Variants in OLFM3 observed in about 807,000 individuals in gnomAD.
The protein encoded by OLFM3 is noelin-3.
Under a neutral mutation model 48.6 loss-of-function variants are expected in OLFM3, and 20 were observed. The ratio of observed to expected loss-of-function variants is 0.41; its 90% CI spans 0.29 to 0.60. The LOEUF (loss-of-function observed/expected upper bound fraction) is 0.60. Ranked by LOEUF, OLFM3 falls within the 20% of genes least tolerant of loss-of-function variation. The probability of loss-of-function intolerance (pLI) is 0.28; values close to 1 mark genes in which losing one functional copy is unlikely to be tolerated. For missense variants in OLFM3, 437 were observed against 544.3 expected (o/e 0.80, Z 1.96); for synonymous variants, 222 against 198.1 (o/e 1.12, Z -1.01).
chr1:101,844,224 T>C (rs1271039032), intron 1 of OLFM3, among the ~76,000 whole-genome samples: 1 of 152,180 alleles, frequency 6.6e-6, no homozygotes, highest in East Asian at 1.9e-4. Context: ...TTTTCTTCTT[T>C]ATAAATGCAA....
Position 101,877,233 on chromosome 1 carries a change from C to G in OLFM3, c.70-40208G>C, listed in dbSNP as rs576931182. On this transcript the variant is annotated intron_variant, in intron 1 of 5. Coordinates refer to ENST00000370103, the MANE Select transcript of OLFM3 (RefSeq NM_058170.4). ...TCGCAAGTTGAAACTTTTAACCCAG[C>G]TGTTCATTTATGATAAAGCTTTAAG... Among the ~76,000 whole-genome samples the G allele has an allele frequency of 1.1e-4, 17 of 152,030 alleles. No homozygotes were observed. In the East Asian group the frequency reaches 2.7e-3, roughly 24 times the overall value.
chr1:101,958,775 GTTTA>G (rs1660376907), intron 1 of OLFM3, among the ~76,000 whole-genome samples: 1 of 150,348 alleles, frequency 6.7e-6, no homozygotes, highest in South Asian at 2.1e-4. Context: ...ATTTTTAAAA[GTTTA>G]TTTATTTTCA....
At chr1:101,886,569 C>G (rs934599263) in intron 1 of OLFM3, among the ~76,000 whole-genome samples, 23 of 152,066 alleles carry the variant, frequency 1.5e-4, no homozygotes, top group African/African-American at 5.6e-4. Flanking sequence ...GGGGAACCAG[C>G]CCCTGGCTAC....
intron 1 of OLFM3, among the ~76,000 whole-genome samples, chr1:101,953,129 A>G (rs1187951859): frequency 6.6e-6 from 1 of 152,150 alleles, no homozygotes; most frequent in Non-Finnish European, 1.5e-5. Flanking sequence ...AGCATGTCGG[A>G]CATACTGGGT....
At chr1:101,972,534 A>G (rs1660833668) in intron 1 of OLFM3, among the ~76,000 whole-genome samples, 1 of 152,204 alleles carries the variant, frequency 6.6e-6, no homozygotes, top group Non-Finnish European at 1.5e-5. Flanking sequence ...TTTAAAAATG[A>G]TTATATCTAA....
intron 1 of OLFM3, among the ~76,000 whole-genome samples, chr1:101,855,667 A>G (rs1656384759): frequency 6.6e-6 from 1 of 152,094 alleles, no homozygotes; most frequent in Non-Finnish European, 1.5e-5. Flanking sequence ...CCAGGGAGGC[A>G]TTGACACTCA....
intron 1 of OLFM3, among the ~76,000 whole-genome samples, chr1:101,918,413 C>T (rs1302839105): frequency 6.6e-6 from 1 of 152,118 alleles, no homozygotes; most frequent in East Asian, 1.9e-4. Context: ...TCTGGAAGCT[C>T]CAGGAAAGAA....
chr1:101,960,882 T>C (rs552150847), intron 1 of OLFM3, among the ~76,000 whole-genome samples: 1 of 152,262 alleles, frequency 6.6e-6, no homozygotes, highest in African/African-American at 2.4e-5. Context: ...TTCACTGACT[T>C]CTAAGATGGT....
intron 1 of OLFM3, among the ~76,000 whole-genome samples, chr1:101,883,171 A>C (rs1657603142): frequency 6.6e-6 from 1 of 151,908 alleles, no homozygotes; most frequent in African/African-American, 2.4e-5. Context: ...GTGAAATAGA[A>C]GATGAAGGTA....
chr1:101,915,919 A>G (rs1020408390), intron 1 of OLFM3, among the ~76,000 whole-genome samples: 1 of 152,088 alleles, frequency 6.6e-6, no homozygotes, highest in African/African-American at 2.4e-5. Context: ...GTGGTTTTCA[A>G]AGAGCTTTCA....
intron 1 of OLFM3, among the ~76,000 whole-genome samples, chr1:101,938,273 A>G (rs972924143): frequency 2.0e-5 from 3 of 152,126 alleles, no homozygotes; most frequent in Admixed American, 1.3e-4. Flanking sequence ...TATTTGTGCA[A>G]TCTTTTACAC....
At chr1:101,888,591 C>T (rs544134272) in intron 1 of OLFM3, among the ~76,000 whole-genome samples, 13 of 152,254 alleles carry the variant, frequency 8.5e-5, no homozygotes, top group South Asian at 2.1e-4. Context: ...TAGGCATGGG[C>T]AAGGACTTCA....
intron 1 of OLFM3, among the ~76,000 whole-genome samples, chr1:101,867,789 T>A (rs1319321179): frequency 6.6e-6 from 1 of 152,220 alleles, no homozygotes; most frequent in East Asian, 1.9e-4. Context: ...GGTTATGCTA[T>A]GGTTTGGCTA....
At chr1:101,921,015 CT>C (rs1337520223) in intron 1 of OLFM3, among the ~76,000 whole-genome samples, 2 of 152,064 alleles carry the variant, frequency 1.3e-5, no homozygotes, top group African/African-American at 4.8e-5. Context: ...TGCTGCCCAC[CT>C]TCTCCATAAG....
chr1:101,829,540 A>G (rs1482875807), intron 3 of OLFM3, among the ~76,000 whole-genome samples: 1 of 152,250 alleles, frequency 6.6e-6, no homozygotes, highest in African/African-American at 2.4e-5. Flanking sequence ...TTACAAAACC[A>G]TGAAACTTTC....
intron 4 of OLFM3, 137 bp downstream of exon 4, chr1:101,824,889 G>C (rs1654783456): frequency 5.6e-6 from 4 of 708,604 alleles, no homozygotes; most frequent in Non-Finnish European, 9.5e-6. Context: ...GTCATTAGGG[G>C]ACACTTCACA....
At chr1:101,870,115 A>G (rs780961083) in intron 1 of OLFM3, among the ~76,000 whole-genome samples, 1 of 152,194 alleles carries the variant, frequency 6.6e-6, no homozygotes, top group Non-Finnish European at 1.5e-5. Context: ...TTATTTGTTA[A>G]ATAGTCCCAA....
At chr1:101,951,049 G>A (rs1430116024) in intron 1 of OLFM3, among the ~76,000 whole-genome samples, 7 of 152,278 alleles carry the variant, frequency 4.6e-5, no homozygotes, top group South Asian at 2.1e-4. Flanking sequence ...GGGGATACCT[G>A]AGCATGTAGT....
rs565368521 is a variant in OLFM3, at chr1:101,937,117, A to T, written c.69+59631T>A. Among the ~76,000 whole-genome samples the T allele has an allele frequency of 1.2e-4, 19 of 152,292 alleles. No homozygotes were observed. In the South Asian group the frequency reaches 3.9e-3, roughly 32 times the overall value. On this transcript the variant is annotated intron_variant, in intron 1 of 5. Coordinates refer to ENST00000370103, the MANE Select transcript of OLFM3 (RefSeq NM_058170.4). ...ACAAAAACAAAAACTGACAAATGGG[A>T]CCTAATTAAACTAAAGAGCTTCTGC...
Sources: gnomAD v4.1 joint callset for allele counts (sites outside exome capture counted in the v4.1 genomes callset) on GRCh38, gnomAD v4.1.1 for gene constraint, MANE v1.5 for transcripts, NCBI Gene and HGNC (gene_info 2026-07-23, HGNC 2026-07-21) for gene names.